The following USP28 variants were observed in gnomAD, a reference collection of about 807,000 sequenced individuals.
USP28 encodes ubiquitin carboxyl-terminal hydrolase 28.
Under a neutral mutation model 145.0 loss-of-function variants are expected in USP28, and 113 were observed. The observed-to-expected ratio is 0.78, with a 90% confidence interval of 0.67 to 0.91. The LOEUF is 0.91. Ranked by LOEUF, USP28 falls within the 40% of genes least tolerant of loss-of-function variation. The pLI is 0.00. For missense variants in USP28, 1,201 were observed against 1,289.6 expected (o/e 0.93, Z 1.05); for synonymous variants, 447 against 450.9 (o/e 0.99, Z 0.11).
intron 3 of USP28, among the ~76,000 whole-genome samples, chr11:113,847,213 A>G (rs952409839): frequency 3.3e-5 from 5 of 152,094 alleles, no homozygotes; most frequent in African/African-American, 1.2e-4. Context: ...TAACAACACA[A>G]AAGAGGGCAA....
chr11:113,856,597 C>T (rs1947072911), intron 1 of USP28, among the ~76,000 whole-genome samples: 2 of 152,116 alleles, frequency 1.3e-5, no homozygotes, highest in Admixed American at 6.5e-5. Context: ...AAAGTTACTG[C>T]TGATAAGGGA....
intron 1 of USP28, among the ~76,000 whole-genome samples, chr11:113,869,197 C>T (rs1565518217): frequency 6.6e-6 from 1 of 152,156 alleles, no homozygotes; most frequent in Non-Finnish European, 1.5e-5. Flanking sequence ...CTTTGGGAGG[C>T]CAAGGCAGAC....
chr11:113,868,002 TTG>T (rs1948464041), intron 1 of USP28, among the ~76,000 whole-genome samples: 1 of 152,132 alleles, frequency 6.6e-6, no homozygotes, highest in Non-Finnish European at 1.5e-5. Context: ...TAGTTTGGTT[TTG>T]TGTGTCTGAT....
rs188029815 is a variant in USP28 at position 113,819,908 on chromosome 11, G to A, written c.1284-2071C>T. Among the ~76,000 whole-genome samples, 4 of 152,186 alleles carry A rather than the reference G, an allele frequency of 2.6e-5. No individual in the cohort carries two copies. In the East Asian group the frequency reaches 5.8e-4, roughly 22 times the overall value. On this transcript the variant is annotated intron_variant, in intron 12 of 24. Coordinates refer to ENST00000003302, the Ensembl canonical transcript of USP28. ...CTAATTCTGTATTTTTAGTAGAGAC[G>A]GGGTTTCACCATGTTGGTCAGGCGG...
intron 5 of USP28, among the ~76,000 whole-genome samples, chr11:113,840,090 G>T (rs2136153397): frequency 6.6e-6 from 1 of 152,214 alleles, no homozygotes; most frequent in South Asian, 2.1e-4. Context: ...CTCCTCCAGG[G>T]TCAAATGGTA....
exon 7 of USP28, chr11:113,833,490 C>G: frequency 6.2e-7 from 1 of 1,614,212 alleles, no homozygotes; most frequent in Non-Finnish European, 8.5e-7. Flanking sequence ...TACAAATTTT[C>G]TATTTGATCC....
At chr11:113,866,964 A>C (rs1459920139) in intron 1 of USP28, among the ~76,000 whole-genome samples, 1 of 116,076 alleles carries the variant, frequency 8.6e-6, no homozygotes, top group Non-Finnish European at 2.1e-5. Flanking sequence ...TCAGTGATTA[A>C]AATGAAAAAC....
chr11:113,865,983 C>G (rs188234061), intron 1 of USP28, among the ~76,000 whole-genome samples: 250 of 152,250 alleles, frequency 1.6e-3, no homozygotes, highest in Admixed American at 4.6e-3. Flanking sequence ...TAAACACATA[C>G]ATCAAGAAAT....
chr11:113,866,904 A>G (rs1029751500), intron 1 of USP28, among the ~76,000 whole-genome samples: 1 of 152,240 alleles, frequency 6.6e-6, no homozygotes, highest in Non-Finnish European at 1.5e-5. Context: ...ATGTCCGTCA[A>G]TGGAAGAATG....
chr11:113,835,213 T>TACCTG (rs1423796685), intron 5 of USP28: 8 of 447,504 alleles, frequency 1.8e-5, no homozygotes, highest in Non-Finnish European at 1.8e-5. Flanking sequence ...ATACCTTTCA[T>TACCTG]AAGTTAATTT....
chr11:113,874,375 A>C, intron 1 of USP28: 1 of 755,646 alleles, frequency 1.3e-6, no homozygotes, highest in Non-Finnish European at 1.8e-6. Context: ...CAGTGAGCCG[A>C]CATCGCGCCA....
At chr11:113,841,812 A>G (rs1434725119) in intron 3 of USP28, 44 bp from the exon 4 acceptor site, 1 of 1,325,126 alleles carries the variant, frequency 7.5e-7, no homozygotes, top group East Asian at 2.3e-5. Context: ...TATAGGAAAC[A>G]CTGCCCTTCT....
chr11:113,854,808 T>C (rs1457400056), intron 1 of USP28, among the ~76,000 whole-genome samples: 2 of 152,224 alleles, frequency 1.3e-5, no homozygotes, highest in Non-Finnish European at 2.9e-5. Context: ...AGTTCAATCA[T>C]GGAAATACCT....
At chr11:113,872,067 G>A (rs1362937590) in intron 1 of USP28, among the ~76,000 whole-genome samples, 6 of 152,170 alleles carry the variant, frequency 3.9e-5, no homozygotes, top group Admixed American at 1.3e-4. Context: ...TCTGAGCACC[G>A]AGTCTGGCAC....
chr11:113,842,797 A>C (rs1233174530), intron 3 of USP28, among the ~76,000 whole-genome samples: 1 of 152,228 alleles, frequency 6.6e-6, no homozygotes, highest in East Asian at 1.9e-4. Context: ...TAGGCTGAGA[A>C]AAAGTATCCA....
At chr11:113,871,022 C>T (rs1218575618) in intron 1 of USP28, among the ~76,000 whole-genome samples, 1 of 152,206 alleles carries the variant, frequency 6.6e-6, no homozygotes, top group African/African-American at 2.4e-5. Context: ...GCAAATGAAT[C>T]ACCCAAGAAT....
At chr11:113,806,140 T>C (rs1018945234) in intron 19 of USP28, among the ~76,000 whole-genome samples, 2 of 152,044 alleles carry the variant, frequency 1.3e-5, no homozygotes, top group Non-Finnish European at 2.9e-5. Flanking sequence ...GGTCTCACTA[T>C]GTTGACCCGG....
In USP28 at chr11:113,803,156, A is replaced by C. The variant is rs1939341985; in HGVS notation, c.2862+2T>G. ...CCTTAAGGCTTTACAAACAGTACAA[A>C]CCAGAAGGCATTTTCTTCGGTATAA... On this transcript the variant is annotated splice_donor_variant, in intron 23 of 24. Transcript: ENST00000003302. LOFTEE classifies it high-confidence loss of function. 1 of 1,611,386 alleles carries C rather than the reference A, an allele frequency of 6.2e-7. No homozygotes were observed.
At chr11:113,864,825 G>A (rs1332622192) in intron 1 of USP28, among the ~76,000 whole-genome samples, 1 of 152,148 alleles carries the variant, frequency 6.6e-6, no homozygotes, top group Non-Finnish European at 1.5e-5. Context: ...TCATGGCCCA[G>A]TCAACTGACA....
Sources: allele counts gnomAD v4.1 joint callset (sites outside exome capture counted in the v4.1 genomes callset), GRCh38; gene constraint gnomAD v4.1.1; transcripts MANE v1.5; gene names NCBI Gene and HGNC (gene_info 2026-07-23, HGNC 2026-07-21).